Variants in RBM47 observed in about 807,000 individuals in gnomAD.
RBM47 encodes the protein RNA binding motif protein 47.
Under a neutral mutation model 47.1 loss-of-function variants are expected in RBM47, and 21 were observed. That is an observed-to-expected ratio of 0.45 (90% confidence interval 0.32 to 0.64). RBM47 has a LOEUF of 0.64. Among genes scored for constraint, RBM47 ranks in the 30% least tolerant of loss-of-function variants. The pLI, the probability that RBM47 is intolerant of heterozygous loss-of-function variation, is 0.05. For missense variants in RBM47, 708 were observed against 870.9 expected, an observed-to-expected ratio of 0.81 and a Z score of 2.35; for synonymous variants, 375 against 361.7, an observed-to-expected ratio of 1.04 and a Z score of -0.42.
At chr4:40,497,054 A>AAAAAAG (rs1553890447) in intron 2 of RBM47, among the ~76,000 whole-genome samples, 25 of 150,116 alleles carry the variant, frequency 1.7e-4, no homozygotes, top group East Asian at 3.9e-4. Flanking sequence ...AAAAAAAAAA[A>AAAAAAG]AAAGAAAGAA....
Position 40,437,988 on chromosome 4 carries a change from G to T in RBM47, c.906C>A (p.Asn302Lys), listed in dbSNP as rs771435022. The T allele has an allele frequency of 6.2e-7, 1 of 1,613,532 alleles. No homozygotes were observed. The highest frequency in any genetic ancestry group is 1.1e-5 in the South Asian group (1 of 91,082). ...EDAVHAMNNL[N>K]GTELEGSCLE... ...GGCACGAGCCCTCCAGCTCAGTGCC[G>T]TTGAGGTTGTTCATGGCATGCACGG... Residue 302 changes from asparagine to lysine, a missense_variant, in exon 4 of 7, where the codon AAC (asparagine) becomes AAA (lysine). Physicochemically the swap from Asn to Lys is moderately conservative, Grantham distance 94. Coordinates refer to ENST00000295971, the MANE Select transcript of RBM47 (RefSeq NM_001098634.2).
intron 1 of RBM47, among the ~76,000 whole-genome samples, chr4:40,583,239 C>T (rs1733129605): frequency 2.6e-5 from 4 of 151,710 alleles, no homozygotes; most frequent in South Asian, 4.2e-4. Flanking sequence ...AACCAGCCTC[C>T]GTCTCTACTA....
intron 3 of RBM47, among the ~76,000 whole-genome samples, 181 bp from the exon 4 acceptor site, chr4:40,439,105 G>A (rs575392889): frequency 2.0e-5 from 3 of 152,094 alleles, no homozygotes; most frequent in African/African-American, 7.2e-5. Flanking sequence ...AAATAGTCAA[G>A]TTGTCTTGCA....
intron 1 of RBM47, among the ~76,000 whole-genome samples, chr4:40,611,757 A>AC (rs1736283876): frequency 6.6e-6 from 1 of 151,484 alleles, no homozygotes; most frequent in Non-Finnish European, 1.5e-5. Context: ...ACAAAACAAA[A>AC]AAAACCACCC....
At chr4:40,585,116 C>G (rs906570259) in intron 1 of RBM47, among the ~76,000 whole-genome samples, 7 of 152,174 alleles carry the variant, frequency 4.6e-5, no homozygotes, top group African/African-American at 1.7e-4. Context: ...AATACCTAGT[C>G]CATGTGACTG....
intron 1 of RBM47, among the ~76,000 whole-genome samples, chr4:40,575,265 T>C (rs951882332): frequency 4.6e-5 from 7 of 152,046 alleles, no homozygotes; most frequent in East Asian, 3.9e-4. Context: ...TATAAAGAAA[T>C]ACCAAGGAAG....
Position 40,437,886 on chromosome 4 carries a change from C to A in RBM47, c.1008G>T (p.Ala336=), listed in dbSNP as rs761146220. 41 of 1,613,844 alleles carry A rather than the reference C, an allele frequency of 2.5e-5. 2 individuals carry two copies. The South Asian group carries it at 4.4e-4, about 17-fold the overall frequency. Residue 336 remains alanine, a synonymous_variant, in exon 4 of 7, where the codon GCG becomes GCT. Transcript: ENST00000295971. ...AGCTGGGCTGCTGCGCTGCCTCAGC[C>A]GCGCCGCCGCCCCTGGCTGCCTTCT... ...RYQKAARGGG[A]AEAAQQPSYV... is the part of the protein sequence containing the mutation.
At chr4:40,487,479 C>G (rs1721258798) in intron 2 of RBM47, among the ~76,000 whole-genome samples, 1 of 152,092 alleles carries the variant, frequency 6.6e-6, no homozygotes, top group Non-Finnish European at 1.5e-5. Flanking sequence ...TTAGTAGAGA[C>G]AGGGTTTCAC....
chr4:40,576,683 T>G (rs1732369497), intron 1 of RBM47, among the ~76,000 whole-genome samples: 1 of 152,200 alleles, frequency 6.6e-6, no homozygotes, highest in South Asian at 2.1e-4. Flanking sequence ...GTGATCCTCT[T>G]GCCTGAGCCC....
intron 2 of RBM47, among the ~76,000 whole-genome samples, chr4:40,504,292 T>TC (rs1255625977): frequency 1.3e-5 from 1 of 78,224 alleles, no homozygotes; most frequent in Non-Finnish European, 2.7e-5. Context: ...GTTTCCTTCT[T>TC]TTTTTTTTTT....
chr4:40,450,294 A>G (rs2154219170), intron 3 of RBM47, among the ~76,000 whole-genome samples: 1 of 152,252 alleles, frequency 6.6e-6, no homozygotes, highest in South Asian at 2.1e-4. Flanking sequence ...GTGTTTTGCA[A>G]TTTATAAAAT....
chr4:40,466,478 G>T (rs1718046785), intron 3 of RBM47, 99 bp downstream of exon 3: 2 of 152,022 alleles, frequency 1.3e-5, no homozygotes, highest in Admixed American at 1.3e-4. Context: ...CACACAACAG[G>T]TACACATTGT....
At chr4:40,506,737 T>C (rs1724148991) in intron 2 of RBM47, among the ~76,000 whole-genome samples, 2 of 152,226 alleles carry the variant, frequency 1.3e-5, no homozygotes, top group Non-Finnish European at 2.9e-5. Context: ...CAGTTGATTC[T>C]ACTTCTTATG....
rs1321532291 is a variant in RBM47, at chr4:40,488,254, C to T, written c.-154-21555G>A. Among the ~76,000 whole-genome samples the T allele has an allele frequency of 2.1e-5, 3 of 143,124 alleles. No individual in the cohort carries two copies. In the Admixed American group the frequency reaches 2.3e-4, roughly 11 times the overall value. The allele number at this position is 143,124 out of a possible 152,430, so 93.9% of individuals were successfully genotyped here. A position where few individuals can be genotyped will look rare whatever the true frequency, so the allele number is the denominator to read the frequency against. On this transcript the variant is annotated intron_variant, in intron 2 of 6. Transcript: ENST00000295971. ...ACTTGAACCCGGGAGGCAGAGGCTG[C>T]AGTGAGCAGAGGTTGCAGTGAGCCG...
chr4:40,442,340 T>C (rs1215813824), intron 3 of RBM47, among the ~76,000 whole-genome samples: 1 of 152,172 alleles, frequency 6.6e-6, no homozygotes, highest in Non-Finnish European at 1.5e-5. Context: ...CTCATTAGGA[T>C]AGTTATTATA....
intron 1 of RBM47, among the ~76,000 whole-genome samples, chr4:40,602,333 T>C (rs971599772): frequency 1.4e-4 from 21 of 152,010 alleles, no homozygotes; most frequent in African/African-American, 4.6e-4. Context: ...CAATTGTTAG[T>C]AGTTATTACT....
At chr4:40,493,330 T>C (rs1235076606) in intron 2 of RBM47, among the ~76,000 whole-genome samples, 2 of 152,014 alleles carry the variant, frequency 1.3e-5, no homozygotes, top group African/African-American at 2.4e-5. Context: ...GCAGGAGGGA[T>C]TAATTCTCTT....
rs188295415 is a variant in RBM47, at chr4:40,509,573, T to C, written c.-155+34849A>G. The stretch of plus-strand genomic sequence containing the variant: ...GCAACATAGTGAGACCCTGTCTCTA[T>C]AAAATTTTTAAAAAGTAAAGAAACT... On this transcript the variant is annotated intron_variant, in intron 2 of 6. Transcript: ENST00000295971. Among the ~76,000 whole-genome samples, 934 of 152,280 alleles carry C rather than the reference T, an allele frequency of 6.1e-3. 6 individuals carry two copies. Among genetic ancestry groups the C allele is most frequent in the African/African-American group, 0.022 (896 of 41,570 alleles).
rs1733166027 is a variant in RBM47 at position 40,583,388 on chromosome 4, G to GGAAAAA, written c.-239-38883_-239-38882insTTTTTC. Among the ~76,000 whole-genome samples the GGAAAAA allele has an allele frequency of 3.3e-5, 3 of 91,102 alleles. 1 individual carries two copies. The allele number at this position is 91,102 out of a possible 152,430, so 59.8% of individuals were successfully genotyped here. ...GAGATCACGCCACTACTCCATCTCA[G>GGAAAAA]AAAAAAAAAAAAAAAAAAAAAAAAA... On this transcript the variant is annotated intron_variant, in intron 1 of 6. Transcript: ENST00000295971.
Sources: allele counts gnomAD v4.1 joint callset (sites outside exome capture counted in the v4.1 genomes callset), GRCh38; gene constraint gnomAD v4.1.1; transcripts MANE v1.5; gene names NCBI Gene and HGNC (gene_info 2026-07-23, HGNC 2026-07-21).